Variants in RIMKLA observed in about 807,000 individuals in gnomAD.
The protein encoded by RIMKLA is N-acetylaspartylglutamate synthase A.
A neutral mutation model predicts 32.7 loss-of-function variants in RIMKLA; 14 were observed. That is an observed-to-expected ratio of 0.43 (90% CI 0.28 to 0.67). The LOEUF (loss-of-function observed/expected upper bound fraction) is 0.67, where lower values mean the gene tolerates loss of function less well. Among genes scored for constraint, RIMKLA ranks in the 30% least tolerant of loss-of-function variants. The pLI is 0.18. For synonymous variants in RIMKLA, 176 were observed against 204.1 expected, an observed-to-expected ratio of 0.86 and a Z score of 1.18; for missense variants, 410 against 519.0, an observed-to-expected ratio of 0.79 and a Z score of 2.04.
At chr1:42,387,581 T>C (rs905489290) in intron 1 of RIMKLA, among the ~76,000 whole-genome samples, 1 of 152,230 alleles carries the variant, frequency 6.6e-6, no homozygotes, top group Non-Finnish European at 1.5e-5. Context: ...ATTTAATAAA[T>C]ATTTATTGAA....
intron 1 of RIMKLA, among the ~76,000 whole-genome samples, chr1:42,383,033 TTTTATTTA>T (rs531801323): frequency 1.3e-3 from 201 of 149,744 alleles, no homozygotes; most frequent in Non-Finnish European, 2.1e-3. Context: ...TTAATTTTTA[TTTTATTTA>T]TTTATTTATT....
intron 1 of RIMKLA, among the ~76,000 whole-genome samples, chr1:42,395,376 T>TA (rs1557753176): frequency 6.6e-6 from 1 of 150,698 alleles, no homozygotes. Flanking sequence ...TTTTTTTTTT[T>TA]AAGTGGTTTG....
intron 4 of RIMKLA, 137 bp from the exon 5 acceptor site, chr1:42,414,347 C>T: frequency 1.1e-6 from 1 of 902,068 alleles, no homozygotes; most frequent in Non-Finnish European, 1.7e-6. Flanking sequence ...CCAAGGTGTA[C>T]TGATTTCCAT....
intron 1 of RIMKLA, among the ~76,000 whole-genome samples, chr1:42,393,148 C>G (rs1023006400): frequency 6.6e-6 from 1 of 152,166 alleles, no homozygotes; most frequent in African/African-American, 2.4e-5. Flanking sequence ...TTGCCTCATT[C>G]CCTTCTCTAT....
In RIMKLA at chr1:42,395,266, G is replaced by A. The variant is rs575301608; in HGVS notation, c.164-4138G>A. On this transcript the variant is annotated intron_variant, in intron 1 of 4. Transcript: ENST00000431473. ...GTTTCAAAAAATTGGTTTTAACTGG[G>A]TTGGCAGTTGGTCACTGTCCTAACT... Among the ~76,000 whole-genome samples the A allele has an allele frequency of 1.4e-4, 21 of 152,072 alleles. No homozygotes were observed. In the East Asian group the frequency reaches 4.0e-3, roughly 29 times the overall value.
intron 1 of RIMKLA, among the ~76,000 whole-genome samples, chr1:42,388,456 C>T (rs1461040489): frequency 1.3e-5 from 2 of 151,570 alleles, no homozygotes; most frequent in African/African-American, 2.4e-5. Flanking sequence ...TCACCTATCT[C>T]GGCCTCCCAA....
chr1:42,384,273 A>T (rs1337866364), intron 1 of RIMKLA, among the ~76,000 whole-genome samples: 1 of 152,134 alleles, frequency 6.6e-6, no homozygotes, highest in East Asian at 1.9e-4. Context: ...TAGGTGACTG[A>T]AGTAATCCTG....
intron 1 of RIMKLA, among the ~76,000 whole-genome samples, chr1:42,397,412 T>G (rs1216764272): frequency 1.3e-5 from 2 of 152,206 alleles, no homozygotes; most frequent in Non-Finnish European, 1.5e-5. Context: ...ATAAAATATC[T>G]CTGTAGACTG....
rs1643263261 is a variant in RIMKLA at position 42,417,891 on chromosome 1, A to T, written c.*2917A>T. On this transcript the variant is annotated 3_prime_UTR_variant, in exon 5 of 5. Transcript: ENST00000431473. ...GTGGAGGCTGCAGTGAGCCAAGATT[A>T]TGCCACTGCACTCCAGCCTGGGTGA... The T allele has an allele frequency of 6.8e-6, 1 of 148,118 alleles. No individual in the cohort carries two copies. The highest frequency in any genetic ancestry group is 2.3e-4 in the South Asian group (1 of 4,368). The allele number at this position is 148,118 out of a possible 1,614,324, so 9.2% of individuals were successfully genotyped here. A position where few individuals can be genotyped will look rare whatever the true frequency, so the allele number is the denominator to read the frequency against.
chr1:42,414,168 T>A (rs543521823), intron 4 of RIMKLA, among the ~76,000 whole-genome samples: 70 of 152,222 alleles, frequency 4.6e-4, no homozygotes, highest in African/African-American at 1.5e-3. Flanking sequence ...TAAGTGCCCA[T>A]CATGTACCTG....
rs1643183985 is a variant in RIMKLA at position 42,410,051 on chromosome 1, T to C, written c.549T>C (p.Asp183=). ...LSDICHLIRH[D]VPYLFQKYVK... The stretch of plus-strand genomic sequence containing the variant: ...ACATCTGCCATCTGATCCGCCACGA[T>C]GTGCCCTACCTGTTCCAGAAGTACG... The change falls in exon 4 of 5, where the codon GAT becomes GAC. Residue 183 remains aspartate (D), a synonymous_variant. Transcript: ENST00000431473. 2 of 1,614,204 alleles carry C rather than the reference T, an allele frequency of 1.2e-6. No homozygotes were observed. The highest frequency in any genetic ancestry group is 8.5e-7 in the Non-Finnish European group (1 of 1,180,030).
intron 4 of RIMKLA, 63 bp from the exon 5 acceptor site, chr1:42,414,421 C>T: frequency 1.3e-6 from 2 of 1,563,160 alleles, no homozygotes; most frequent in Non-Finnish European, 1.7e-6. Context: ...ATCCCTGTCT[C>T]TTCTTTGAAG....
At chr1:42,381,299 G>A (rs1642887106) in intron 1 of RIMKLA, among the ~76,000 whole-genome samples, 1 of 152,218 alleles carries the variant, frequency 6.6e-6, no homozygotes, top group African/African-American at 2.4e-5. Flanking sequence ...CTGCCCCGAG[G>A]CCAAGATTCG....
Position 42,415,036 on chromosome 1 carries a change from A to C in RIMKLA, c.*62A>C. 1 of 1,485,636 alleles carries C rather than the reference A, an allele frequency of 6.7e-7. No individual in the cohort carries two copies. The highest frequency in any genetic ancestry group is 2.3e-5 in the East Asian group (1 of 44,056). 92.0% of individuals were successfully genotyped at this position (1,485,636 alleles called of 1,614,324 possible). On this transcript the variant is annotated 3_prime_UTR_variant, in exon 5 of 5. Transcript: ENST00000431473. ...CTGCTTCCCTAGTAGTTTTGAGTGA[A>C]TAAAATCTGGACTAATGTGATTTCA...
At chr1:42,393,496 G>A (rs553234935) in intron 1 of RIMKLA, among the ~76,000 whole-genome samples, 1 of 152,328 alleles carries the variant, frequency 6.6e-6, no homozygotes, top group Non-Finnish European at 1.5e-5. Flanking sequence ...CAAAATCACA[G>A]TTGGTGGAAA....
chr1:42,408,073 C>G (rs1162914894), intron 3 of RIMKLA, among the ~76,000 whole-genome samples: 1 of 152,210 alleles, frequency 6.6e-6, no homozygotes, highest in East Asian at 1.9e-4. Context: ...TTGCCAGAAG[C>G]CAGATCTCCA....
At chr1:42,399,835 G>A (rs182333949) in intron 2 of RIMKLA, among the ~76,000 whole-genome samples, 8 of 152,218 alleles carry the variant, frequency 5.3e-5, no homozygotes, top group African/African-American at 1.7e-4. Context: ...ATACATATCT[G>A]GTACACACTG....
chr1:42,382,189 A>G (rs1004333896), intron 1 of RIMKLA, among the ~76,000 whole-genome samples: 1 of 152,204 alleles, frequency 6.6e-6, no homozygotes, highest in Non-Finnish European at 1.5e-5. Flanking sequence ...CCTCATACTT[A>G]ATATCAGATT....
chr1:42,409,938 C>A (rs749409833), intron 3 of RIMKLA, 46 bp from the exon 4 acceptor site: 6 of 1,485,252 alleles, frequency 4.0e-6, no homozygotes, highest in South Asian at 3.4e-5. Context: ...AGTACAGAGT[C>A]CAGAGGCTTC....
Sources: gnomAD v4.1 joint callset for allele counts (sites outside exome capture counted in the v4.1 genomes callset) on GRCh38, gnomAD v4.1.1 for gene constraint, MANE v1.5 for transcripts, NCBI Gene and HGNC (gene_info 2026-07-23, HGNC 2026-07-21) for gene names.